The following TBCD variants were observed in gnomAD, a reference collection of about 807,000 sequenced individuals.
TBCD encodes the protein tubulin folding cofactor D.
In TBCD, 105 loss-of-function variants were observed where a neutral mutation model predicts 169.3. The observed-to-expected ratio is 0.62, with a 90% CI of 0.53 to 0.73. TBCD has a LOEUF of 0.73. TBCD is among the 30% of genes least tolerant of loss of function. TBCD has a pLI of 0.00. For synonymous variants in TBCD, 700 were observed against 643.9 expected (o/e 1.09, Z -1.32); for missense variants, 1,444 against 1,600.1 (o/e 0.90, Z 1.66).
Position 82,769,411 on chromosome 17 carries a change from C to T in TBCD, c.582+845C>T, listed in dbSNP as rs114878146. On this transcript the variant is annotated intron_variant, in intron 5 of 38. Coordinates refer to ENST00000355528, the MANE Select transcript of TBCD (RefSeq NM_005993.5). ...GCAGCAAGTCACCGAGTCCAGCCTACGCAAGCGAGCACTAGGAGGCTGTCA... is the reference window on the plus strand; with the variant it reads ...GCAGCAAGTCACCGAGTCCAGCCTATGCAAGCGAGCACTAGGAGGCTGTCA... Among the ~76,000 whole-genome samples the T allele has an allele frequency of 2.0e-3, 310 of 152,314 alleles. 2 individuals are homozygous for T. Among genetic ancestry groups the T allele is most frequent in the African/African-American group, 6.4e-3 (265 of 41,562 alleles).
chr17:82,768,449 C>T lies in TBCD; in HGVS notation c.465C>T (p.Leu155=). 1.2e-6 allele frequency: 2 copies of T among 1,614,000 alleles called. No individual in the cohort carries two copies. Among genetic ancestry groups the T allele is most frequent in the Non-Finnish European group, 1.7e-6 (2 of 1,179,884 alleles). The change falls in exon 5 of 39, where the codon CTC becomes CTT. Residue 155 remains leucine (L), a synonymous_variant. Transcript: ENST00000355528. ...GGGAAACCCGCTACATGCTTTTGCTCTGGCTCTCCGTGACCTGCCTGATCC... is the reference window on the plus strand; with the variant it reads ...GGGAAACCCGCTACATGCTTTTGCTTTGGCTCTCCGTGACCTGCCTGATCC... ...EAWETRYMLL[L]WLSVTCLIPF...
chr17:82,830,160 C>T, intron 13 of TBCD: 1 of 1,614,042 alleles, frequency 6.2e-7, no homozygotes, highest in Non-Finnish European at 8.5e-7. Context: ...CCCGGGCCCT[C>T]CTTCGTAGTG....
At chr17:82,775,719 C>T (rs1417265817) in intron 6 of TBCD, among the ~76,000 whole-genome samples, 2 of 123,522 alleles carry the variant, frequency 1.6e-5, no homozygotes, top group East Asian at 4.7e-4. Flanking sequence ...GGAAGGGGAA[C>T]ATCACACTCT....
rs1354231362 is a variant in TBCD, at chr17:82,862,138, G to A, written c.1319-8086G>A. Among the ~76,000 whole-genome samples the A allele has an allele frequency of 2.0e-5, 3 of 152,138 alleles. No homozygotes were observed. In the East Asian group the frequency reaches 5.8e-4, roughly 29 times the overall value. On this transcript the variant is annotated intron_variant, in intron 13 of 38. Coordinates refer to ENST00000355528, the MANE Select transcript of TBCD (RefSeq NM_005993.5). The stretch of plus-strand genomic sequence containing the variant: ...GGGGTTTCACCGTGTTAGCCAGGAT[G>A]GTCTTGATCTCCTGACCTCATGATC...
chr17:82,773,270 C>T (rs1420433119), intron 6 of TBCD, among the ~76,000 whole-genome samples: 2 of 152,108 alleles, frequency 1.3e-5, no homozygotes, highest in African/African-American at 2.4e-5. Context: ...AGCTTCTTTC[C>T]CAGAGAAGTG....
rs1421459177 is a variant in TBCD at position 82,943,432 on chromosome 17, C to CA, written c.*970dup. On this transcript the variant is annotated 3_prime_UTR_variant, in exon 39 of 39. Transcript: ENST00000355528. ...CAAAGCAGCCCCAGGTGTGGCCACT[C>CA]AGAGGCCCAAGGGCTTGGGTGAGCA... is the stretch of plus-strand genomic sequence containing the variant. 1 of 152,366 alleles carries CA rather than the reference C, an allele frequency of 6.6e-6. No individual in the cohort carries two copies. Among genetic ancestry groups the CA allele is most frequent in the Non-Finnish European group, 1.5e-5 (1 of 68,184 alleles). 9.4% of individuals were successfully genotyped at this position (152,366 alleles called of 1,614,324 possible). A position where few individuals can be genotyped will look rare whatever the true frequency, so the allele number is the denominator to read the frequency against.
At chr17:82,942,131 C>CG (rs1398052423) in intron 38 of TBCD, 1 of 502,606 alleles carries the variant, frequency 2.0e-6, no homozygotes, top group East Asian at 3.7e-5. Flanking sequence ...AGGCTGAACT[C>CG]AACAGCAGAC....
chr17:82,852,442 G>A (rs1172900346), intron 13 of TBCD, among the ~76,000 whole-genome samples: 1 of 152,134 alleles, frequency 6.6e-6, no homozygotes, highest in Non-Finnish European at 1.5e-5. Context: ...CTGGAGGCTG[G>A]GTGTCCAAGG....
At chr17:82,857,085 G>A (rs550404833) in intron 13 of TBCD, among the ~76,000 whole-genome samples, 2 of 152,364 alleles carry the variant, frequency 1.3e-5, no homozygotes, top group African/African-American at 2.4e-5. Context: ...CCAGCAAGGC[G>A]CAGAGCTTCT....
intron 12 of TBCD, among the ~76,000 whole-genome samples, chr17:82,812,978 C>T (rs1344642886): frequency 6.6e-6 from 1 of 152,154 alleles, no homozygotes; most frequent in Non-Finnish European, 1.5e-5. Context: ...AGCACCACAC[C>T]TGGCTAATTA....
intron 1 of TBCD, among the ~76,000 whole-genome samples, chr17:82,754,006 AGCTGGGACTACAGGTGCGC>A (rs2047267872): frequency 6.6e-6 from 1 of 151,302 alleles, no homozygotes; most frequent in Non-Finnish European, 1.5e-5. Context: ...CCTCCCGAGT[AGCTGGGACTACAGGTGCGC>A]GCCACCACGC....
At chr17:82,830,787 G>A (rs1445099309) in intron 13 of TBCD, 1 of 1,613,674 alleles carries the variant, frequency 6.2e-7, no homozygotes, top group South Asian at 1.1e-5. Flanking sequence ...GGCCCATCCC[G>A]GAGCTGTCGT....
At chr17:82,904,383 C>T (rs2060094678) in intron 19 of TBCD, among the ~76,000 whole-genome samples, 1 of 152,284 alleles carries the variant, frequency 6.6e-6, no homozygotes, top group South Asian at 2.1e-4. Flanking sequence ...GCTCCCTGGT[C>T]TCTAGGTGGC....
At chr17:82,928,195 C>T (rs2061916462) in intron 30 of TBCD, among the ~76,000 whole-genome samples, 1 of 152,190 alleles carries the variant, frequency 6.6e-6, no homozygotes, top group Non-Finnish European at 1.5e-5. Context: ...GGGGCCCATC[C>T]TCCTCTGCCC....
intron 28 of TBCD, chr17:82,926,903 G>C (rs1009418374): frequency 5.7e-6 from 3 of 527,974 alleles, no homozygotes; most frequent in Non-Finnish European, 1.0e-5. Flanking sequence ...TCTCTCCTAT[G>C]CCAGCATCCG....
Position 82,798,865 on chromosome 17 carries a change from C to A in TBCD, c.817+1063C>A, listed in dbSNP as rs911527219. Among the ~76,000 whole-genome samples, 4 of 152,166 alleles carry A rather than the reference C, an allele frequency of 2.6e-5. 1 individual carries two copies. The South Asian group carries it at 8.3e-4, about 31-fold the overall frequency. On this transcript the variant is annotated intron_variant, in intron 8 of 38. Coordinates refer to ENST00000355528, the MANE Select transcript of TBCD (RefSeq NM_005993.5). ...TCAAGCCATCCTCCCACCTCAGCCCCCTGAGTGGCTGGGACTACAGGCGAG... is the reference window on the plus strand; with the variant it reads ...TCAAGCCATCCTCCCACCTCAGCCCACTGAGTGGCTGGGACTACAGGCGAG...
intron 7 of TBCD, chr17:82,795,816 C>G (rs1358708655): frequency 6.4e-6 from 1 of 156,952 alleles, no homozygotes; most frequent in African/African-American, 2.4e-5. Context: ...GGCAGGGGCC[C>G]TTGACTGAAG....
rs2048985154 is a variant in TBCD at position 82,782,105 on chromosome 17, T to C, written c.771+384T>C. 1.3e-5 allele frequency among the ~76,000 whole-genome samples: 2 copies of C among 152,242 alleles called. No homozygotes were observed. On this transcript the variant is annotated intron_variant, in intron 7 of 38. Transcript: ENST00000355528. This position sits in a 1 kb window ranked among gnomAD's most constrained non-coding sequence, Gnocchi z 5.1. Reference sequence around the variant, plus strand: ...GAAATTTGATTCTGTTCCTTTGCACTGGGCTCGGGTTGGATGTTCCTGACT... The same window carrying C: ...GAAATTTGATTCTGTTCCTTTGCACCGGGCTCGGGTTGGATGTTCCTGACT...
intron 13 of TBCD, among the ~76,000 whole-genome samples, chr17:82,819,794 G>T (rs906423541): frequency 4.6e-5 from 7 of 152,088 alleles, no homozygotes; most frequent in Admixed American, 3.9e-4. Context: ...TTCTTGAGTG[G>T]TCCTGGCGTA....
Sources: allele counts gnomAD v4.1 joint callset (sites outside exome capture counted in the v4.1 genomes callset), GRCh38; gene constraint gnomAD v4.1.1; non-coding constraint Gnocchi (gnomAD v3.1); transcripts MANE v1.5; gene names NCBI Gene and HGNC (gene_info 2026-07-23, HGNC 2026-07-21).